The following ALOX12B variants were observed in gnomAD, a reference collection of about 807,000 sequenced individuals.
ALOX12B encodes arachidonate 12-lipoxygenase, 12R-type.
ALOX12B carries 47 observed loss-of-function variants against 78.9 expected under a neutral mutation model. The ratio of observed to expected loss-of-function variants is 0.60; its 90% confidence interval spans 0.47 to 0.76. The LOEUF is 0.76. ALOX12B is among the 30% of genes least tolerant of loss of function. The pLI is 0.00. For missense variants in ALOX12B, 805 were observed against 922.6 expected (o/e 0.87, Z 1.65); for synonymous variants, 370 against 374.5 (o/e 0.99, Z 0.14).
In ALOX12B at chr17:8,086,088, C is replaced by T. The variant is rs8077661; in HGVS notation, c.280G>A (p.Gly94Ser). The change falls in exon 2 of 15, where the codon GGC (glycine) becomes AGC (serine). Residue 94 changes from glycine to serine, a missense_variant. Coordinates refer to ENST00000647874, the MANE Select transcript of ALOX12B (RefSeq NM_001139.3). The part of the protein sequence containing the change: ...CNYVQICAPN[G>S]RIYHFPAYQW... ...TAGGCGGGGAAGTGGTAGATACGGC[C>T]GTTGGGGGCACAGATCTGCACATAG... The T allele has an allele frequency of 1.5e-3, 2,474 of 1,614,124 alleles. 33 individuals are homozygous for T. The African/African-American group carries it at 0.029, about 19-fold the overall frequency.
At chr17:8,086,244 G>C (rs769696002) in intron 1 of ALOX12B, 24 bp from the exon 2 acceptor site, 1 of 1,610,282 alleles carries the variant, frequency 6.2e-7, no homozygotes, top group Non-Finnish European at 8.5e-7. Flanking sequence ...AAGCCTGGCT[G>C]AGTGGGCAGG....
rs745541957 is a variant in ALOX12B at position 8,086,027 on chromosome 17, C to T, written c.341G>A (p.Arg114Gln). The T allele has an allele frequency of 8.1e-6, 13 of 1,614,102 alleles. No homozygotes were observed. Among genetic ancestry groups the T allele is most frequent in the Non-Finnish European group, 1.0e-5 (12 of 1,180,002 alleles). Residue 114 changes from arginine to glutamine, a missense_variant, in exon 2 of 15, where the codon CGG becomes CAG. By Grantham distance (43) the Arg-to-Gln change is conservative (BLOSUM62 1). Coordinates refer to ENST00000647874, the MANE Select transcript of ALOX12B (RefSeq NM_001139.3). ...WMDGYETLAL[R>Q]EATGKTTADD... ...TGATGAGGGCTTACCTGTGGCCTCC[C>T]GGAGTGCCAGGGTCTCGTAGCCATC...
At chr17:8,085,948 T>C (rs1978295572) in intron 2 of ALOX12B, 68 bp downstream of exon 2, 1 of 1,580,118 alleles carries the variant, frequency 6.3e-7, no homozygotes, top group Non-Finnish European at 8.7e-7. Context: ...CTGGGTGCCA[T>C]GCCAGGGTAG....
chr17:8,075,306 T>C (rs1400246765), intron 12 of ALOX12B, among the ~76,000 whole-genome samples: 3 of 152,174 alleles, frequency 2.0e-5, no homozygotes, highest in African/African-American at 7.2e-5. Context: ...CAAAGATTTG[T>C]TTCTGGGGTG....
Position 8,079,299 on chromosome 17 carries a change from A to G in ALOX12B, c.1071+97T>C. 2.0e-6 allele frequency: 3 copies of G among 1,497,230 alleles called. No homozygotes were observed. The highest frequency in any genetic ancestry group is 2.7e-6 in the Non-Finnish European group (3 of 1,110,532). The allele number at this position is 1,497,230 out of a possible 1,614,324, so 92.7% of individuals were successfully genotyped here. A position where few individuals can be genotyped will look rare whatever the true frequency, so the allele number is the denominator to read the frequency against. On this transcript the variant is annotated intron_variant, in intron 8 of 14. Transcript: ENST00000647874. The surrounding 1 kb of genome is among the most constrained non-coding windows in gnomAD (Gnocchi z 6.4). Reference sequence around the variant, plus strand: ...CAAGGATAACGAGAGACGGCTGAATACATGCAGGTCCACACGCTCACATAA... The same window carrying G: ...CAAGGATAACGAGAGACGGCTGAATGCATGCAGGTCCACACGCTCACATAA...
In ALOX12B at chr17:8,080,481, A is replaced by G. The variant is rs2304907; in HGVS notation, c.651-143T>C. On this transcript the variant is annotated intron_variant, in intron 5 of 14. Transcript: ENST00000647874. This position sits in a 1 kb window ranked among gnomAD's most constrained non-coding sequence, Gnocchi z 4.8. ...AAGTCTCTGGGTCCCATGTCTCAAGATCTTTGCATCTCTAGGTCTCTGGGA... is the reference window on the plus strand; with the variant it reads ...AAGTCTCTGGGTCCCATGTCTCAAGGTCTTTGCATCTCTAGGTCTCTGGGA... The G allele has an allele frequency of 0.35, 473,438 of 1,359,016 alleles. 86,743 individuals carry two copies. The highest frequency in any genetic ancestry group is 0.59 in the African/African-American group (40,805 of 69,294). 84.2% of individuals were successfully genotyped at this position (1,359,016 alleles called of 1,614,324 possible). A position where few individuals can be genotyped will look rare whatever the true frequency, so the allele number is the denominator to read the frequency against.
rs764367201 is a variant in ALOX12B at position 8,080,372 on chromosome 17, A to C, written c.651-34T>G. On this transcript the variant is annotated intron_variant, in intron 5 of 14. Coordinates refer to ENST00000647874, the MANE Select transcript of ALOX12B (RefSeq NM_001139.3). The surrounding 1 kb of genome is among the most constrained non-coding windows in gnomAD (Gnocchi z 4.8). ...TGGGATTCCAGGAAGAGGCCTTCAG[A>C]GGGGCTGCCAAGCGCCGGCTGGGGC... The C allele has an allele frequency of 6.2e-7, 1 of 1,611,064 alleles. No individual in the cohort carries two copies. The highest frequency in any genetic ancestry group is 1.1e-5 in the South Asian group (1 of 91,008).
At chr17:8,074,041 A>G (rs950897215) in intron 12 of ALOX12B, among the ~76,000 whole-genome samples, 2 of 152,072 alleles carry the variant, frequency 1.3e-5, no homozygotes, top group African/African-American at 2.4e-5. Flanking sequence ...TTCCCTGGGG[A>G]TGCCGCTCCG....
At chr17:8,072,983 G>A (rs754839840) in intron 14 of ALOX12B, 33 bp from the exon 15 acceptor site, 5 of 1,601,558 alleles carry the variant, frequency 3.1e-6, no homozygotes, top group Non-Finnish European at 4.3e-6. Flanking sequence ...CTGGGACCAG[G>A]GCCGGCCAGC....
In ALOX12B at chr17:8,080,497, G is replaced by C; in HGVS notation, c.651-159C>G. 7.2e-7 allele frequency: 1 copy of C among 1,381,590 alleles called. No individual in the cohort carries two copies. The highest frequency in any genetic ancestry group is 1.0e-6 in the Non-Finnish European group (1 of 982,852). 85.6% of individuals were successfully genotyped at this position (1,381,590 alleles called of 1,614,324 possible). A position where few individuals can be genotyped will look rare whatever the true frequency, so the allele number is the denominator to read the frequency against. On this transcript the variant is annotated intron_variant, in intron 5 of 14. Coordinates refer to ENST00000647874, the MANE Select transcript of ALOX12B (RefSeq NM_001139.3). This position sits in a 1 kb window ranked among gnomAD's most constrained non-coding sequence, Gnocchi z 4.8. Reference sequence around the variant, plus strand: ...TGTCTCAAGATCTTTGCATCTCTAGGTCTCTGGGATCATGTCTCAGGTTTT... The same window carrying C: ...TGTCTCAAGATCTTTGCATCTCTAGCTCTCTGGGATCATGTCTCAGGTTTT...
chr17:8,078,274 T>A (rs1977131085), intron 8 of ALOX12B, among the ~76,000 whole-genome samples: 1 of 151,466 alleles, frequency 6.6e-6, no homozygotes, highest in Non-Finnish European at 1.5e-5. Flanking sequence ...GCCTCCTGAA[T>A]ATCTGGGACT....
Position 8,072,636 on chromosome 17 carries a change from G to T in ALOX12B, c.*135C>A. On this transcript the variant is annotated 3_prime_UTR_variant, in exon 15 of 15. Transcript: ENST00000647874. ...GCGCGCATTCACAGCCAGACCCAGG[G>T]AAAGGAAGGTTTTTTGTTTTTTTGT... 1 of 1,329,610 alleles carries T rather than the reference G, an allele frequency of 7.5e-7. No homozygotes were observed. The highest frequency in any genetic ancestry group is 1.1e-6 in the Non-Finnish European group (1 of 947,818). 82.4% of individuals were successfully genotyped at this position (1,329,610 alleles called of 1,614,324 possible).
In ALOX12B at chr17:8,077,124, C is replaced by T; in HGVS notation, c.1141G>A (p.Ala381Thr). 1.2e-6 allele frequency: 2 copies of T among 1,613,478 alleles called. No individual in the cohort carries two copies. Among genetic ancestry groups the T allele is most frequent in the South Asian group, 2.2e-5 (2 of 91,070 alleles). Residue 381 changes from alanine (A) to threonine (T), a missense_variant, in exon 9 of 15, where the codon GCC becomes ACC. Transcript: ENST00000647874. ...PSDSEWDWLL[A>T]KTWVRYAEFY... ...TCCGCATAGCGTACCCACGTCTTGG[C>T]TAGCAGCCAGTCCCACTCAGAATCA... is the stretch of plus-strand genomic sequence containing the variant.
intron 1 of ALOX12B, 145 bp from the exon 2 acceptor site, chr17:8,086,365 G>A (rs1316581547): frequency 1.2e-6 from 1 of 853,778 alleles, no homozygotes. Context: ...ATATTGACCT[G>A]ATCATTGAGC....
intron 8 of ALOX12B, among the ~76,000 whole-genome samples, chr17:8,077,880 C>T (rs1977120478): frequency 6.6e-6 from 1 of 152,220 alleles, no homozygotes; most frequent in African/African-American, 2.4e-5. Flanking sequence ...CAGATGCACA[C>T]ACATAGGGGC....
rs1202601086 is a variant in ALOX12B, at chr17:8,072,872, G to A, written c.2005C>T (p.Leu669=). ...RRSIEAFRQR[L]NQISHDIRQR... ...CGGATGTCGTGTGAGATCTGGTTCAGGCGCTGGCGGAACGCCTCTATGCTC... is the reference window on the plus strand; with the variant it reads ...CGGATGTCGTGTGAGATCTGGTTCAAGCGCTGGCGGAACGCCTCTATGCTC... Residue 669 remains leucine (L), a synonymous_variant, in exon 15 of 15, where the codon CTG becomes TTG. Coordinates refer to ENST00000647874, the MANE Select transcript of ALOX12B (RefSeq NM_001139.3). The A allele has an allele frequency of 1.2e-6, 2 of 1,614,100 alleles. No individual in the cohort carries two copies. The highest frequency in any genetic ancestry group is 2.7e-5 in the African/African-American group (2 of 74,940).
intron 12 of ALOX12B, among the ~76,000 whole-genome samples, chr17:8,074,529 C>A (rs944622546): frequency 6.6e-6 from 1 of 151,578 alleles, no homozygotes; most frequent in Non-Finnish European, 1.5e-5. Flanking sequence ...CTCTGGAATT[C>A]TCTGTGGCAT....
chr17:8,083,558 A>G, intron 2 of ALOX12B, among the ~76,000 whole-genome samples: 1 of 152,046 alleles, frequency 6.6e-6, no homozygotes, highest in South Asian at 2.1e-4. Context: ...ATGAAACCCC[A>G]TCTCCACTAA....
At chr17:8,075,922 G>A (rs1253846077) in intron 11 of ALOX12B, among the ~76,000 whole-genome samples, 1 of 152,176 alleles carries the variant, frequency 6.6e-6, no homozygotes, top group East Asian at 1.9e-4. Flanking sequence ...ATAAGGGATG[G>A]GCAAGGCCTA....
Sources: gnomAD v4.1 joint callset for allele counts (sites outside exome capture counted in the v4.1 genomes callset) on GRCh38, gnomAD v4.1.1 for gene constraint, Gnocchi (gnomAD v3.1) non-coding constraint, MANE v1.5 for transcripts, NCBI Gene and HGNC (gene_info 2026-07-23, HGNC 2026-07-21) for gene names.